MYOZ2: variants seen among roughly 807,000 people sequenced by gnomAD.
MYOZ2 encodes the protein myozenin 2.
MYOZ2 carries 19 observed loss-of-function variants against 25.4 expected under a neutral mutation model. The ratio of observed to expected loss-of-function variants is 0.75; its 90% CI spans 0.52 to 1.10. The LOEUF (loss-of-function observed/expected upper bound fraction) is 1.10, where lower values mean the gene tolerates loss of function less well. MYOZ2 is among the 50% of genes least tolerant of loss of function. MYOZ2 has a pLI of 0.00. For synonymous variants in MYOZ2, 92 were observed against 106.9 expected (o/e 0.86, Z 0.86); for missense variants, 270 against 317.9 (o/e 0.85, Z 1.15).
intron 5 of MYOZ2, among the ~76,000 whole-genome samples, chr4:119,172,603 A>G (rs898034643): frequency 6.6e-6 from 1 of 152,208 alleles, no homozygotes; most frequent in African/African-American, 2.4e-5. Context: ...TCCCCAAGGA[A>G]AAATTTGGGG....
At chr4:119,145,479 C>G (rs1741267211) in intron 2 of MYOZ2, among the ~76,000 whole-genome samples, 1 of 149,266 alleles carries the variant, frequency 6.7e-6, no homozygotes, top group Admixed American at 6.7e-5. Flanking sequence ...GTAGCTGGGA[C>G]CAACCCACCA....
At chr4:119,163,448 C>T (rs1485525512) in intron 4 of MYOZ2, among the ~76,000 whole-genome samples, 2 of 152,122 alleles carry the variant, frequency 1.3e-5, no homozygotes, top group African/African-American at 4.8e-5. Flanking sequence ...CCTTAGAAAA[C>T]TGGAAGAGTG....
chr4:119,156,330 C>T (rs1038296203), intron 3 of MYOZ2, among the ~76,000 whole-genome samples: 10 of 150,976 alleles, frequency 6.6e-5, no homozygotes, highest in African/African-American at 2.4e-4. Flanking sequence ...GGTAGAAAAG[C>T]ATACAAGATA....
chr4:119,142,939 G>C (rs1166388787), intron 2 of MYOZ2, among the ~76,000 whole-genome samples: 1 of 152,120 alleles, frequency 6.6e-6, no homozygotes, highest in Non-Finnish European at 1.5e-5. Context: ...GAATACCTGA[G>C]ATTGGGTAGT....
chr4:119,145,139 A>C (rs1741255759), intron 2 of MYOZ2, among the ~76,000 whole-genome samples: 1 of 152,118 alleles, frequency 6.6e-6, no homozygotes, highest in Admixed American at 6.6e-5. Context: ...TTAGCCTATT[A>C]ACATAGTGAA....
intron 4 of MYOZ2, among the ~76,000 whole-genome samples, chr4:119,160,205 CAGTT>C (rs1741674309): frequency 6.6e-6 from 1 of 152,104 alleles, no homozygotes; most frequent in Non-Finnish European, 1.5e-5. Context: ...AATAAGCACT[CAGTT>C]AAAGTTAATT....
At chr4:119,137,490 C>T (rs1422764790) in intron 2 of MYOZ2, among the ~76,000 whole-genome samples, 3 of 152,010 alleles carry the variant, frequency 2.0e-5, no homozygotes, top group Non-Finnish European at 2.9e-5. Flanking sequence ...AGCCTTTCAC[C>T]ACTACAATAT....
chr4:119,167,075 T>C (rs1385540304), intron 5 of MYOZ2, among the ~76,000 whole-genome samples: 1 of 152,096 alleles, frequency 6.6e-6, no homozygotes. Flanking sequence ...AATCAAAAGC[T>C]AGAAATGATT....
intron 5 of MYOZ2, among the ~76,000 whole-genome samples, chr4:119,180,532 T>C (rs1343169436): frequency 3.9e-5 from 6 of 152,202 alleles, no homozygotes; most frequent in Admixed American, 3.3e-4. Flanking sequence ...GAATAGCAGC[T>C]TGCATTTGTA....
intron 3 of MYOZ2, among the ~76,000 whole-genome samples, chr4:119,156,298 G>C (rs771856605): frequency 2.6e-5 from 4 of 151,196 alleles, no homozygotes; most frequent in Non-Finnish European, 4.4e-5. Context: ...AGATAATGGG[G>C]GAATCTTGAT....
intron 5 of MYOZ2, among the ~76,000 whole-genome samples, chr4:119,172,522 G>C (rs1741968121): frequency 6.6e-6 from 1 of 152,216 alleles, no homozygotes; most frequent in African/African-American, 2.4e-5. Context: ...AGTGGTGCCA[G>C]CTGATCCATC....
rs758181218 is a variant in MYOZ2, at chr4:119,150,952, C to T, written c.157C>T (p.Arg53Cys). 2.5e-6 allele frequency: 4 copies of T among 1,613,582 alleles called. No homozygotes were observed. Among genetic ancestry groups the T allele is most frequent in the East Asian group, 4.5e-5 (2 of 44,852 alleles). Residue 53 changes from arginine (R) to cysteine (C), a missense_variant, in exon 3 of 6, where the codon CGT becomes TGT. By Grantham distance (180) the Arg-to-Cys change is radical. Coordinates refer to ENST00000307128, the MANE Select transcript of MYOZ2 (RefSeq NM_016599.5). ...MLEELSHLSNRGARLFKMRQR... is the reference protein window; with the variant it reads ...MLEELSHLSNCGARLFKMRQR... ...GGAAGAATTATCCCATCTCAGTAAC[C>T]GTGGTGCCAGGCTATTTAAGATGCG...
At chr4:119,141,740 G>C (rs1741162694) in intron 2 of MYOZ2, among the ~76,000 whole-genome samples, 1 of 151,636 alleles carries the variant, frequency 6.6e-6, no homozygotes, top group Admixed American at 6.6e-5. Flanking sequence ...TGAAGGCAAG[G>C]ATATGTATTC....
At chr4:119,141,438 A>C (rs1429076967) in intron 2 of MYOZ2, among the ~76,000 whole-genome samples, 1 of 151,942 alleles carries the variant, frequency 6.6e-6, no homozygotes, top group Non-Finnish European at 1.5e-5. Context: ...GCTGGAGTGC[A>C]GTGGTGCAAT....
At chr4:119,177,907 C>A (rs930658715) in intron 5 of MYOZ2, among the ~76,000 whole-genome samples, 1 of 152,178 alleles carries the variant, frequency 6.6e-6, no homozygotes, top group Admixed American at 6.5e-5. Context: ...AGGCTCTCTT[C>A]CAATTACCTC....
At chr4:119,156,783 G>A (rs1455409143) in intron 3 of MYOZ2, among the ~76,000 whole-genome samples, 1 of 152,094 alleles carries the variant, frequency 6.6e-6, no homozygotes, top group Non-Finnish European at 1.5e-5. Context: ...CTTTGATGAA[G>A]CAGACGAAAG....
At chr4:119,148,105 A>G (rs1381237871) in intron 2 of MYOZ2, among the ~76,000 whole-genome samples, 2 of 152,086 alleles carry the variant, frequency 1.3e-5, no homozygotes, top group African/African-American at 2.4e-5. Context: ...TGCAGGATAT[A>G]TTTCACTGGG....
At chr4:119,174,453 G>A (rs1742012970) in intron 5 of MYOZ2, among the ~76,000 whole-genome samples, 1 of 151,728 alleles carries the variant, frequency 6.6e-6, no homozygotes, top group Non-Finnish European at 1.5e-5. Context: ...CTAGTTCAGG[G>A]ATTGTAAATA....
intron 5 of MYOZ2, among the ~76,000 whole-genome samples, chr4:119,175,045 G>T: frequency 6.6e-6 from 1 of 151,624 alleles, no homozygotes; most frequent in African/African-American, 2.4e-5. Context: ...ACATCAGAAG[G>T]AACAAACTCC....
Sources: allele counts gnomAD v4.1 joint callset (sites outside exome capture counted in the v4.1 genomes callset), GRCh38; gene constraint gnomAD v4.1.1; transcripts MANE v1.5; gene names NCBI Gene and HGNC (gene_info 2026-07-23, HGNC 2026-07-21).